Variants in GABBR2 observed in about 807,000 individuals in gnomAD.
GABBR2 encodes G-protein coupled receptor 51.
GABBR2 carries 23 observed loss-of-function variants against 105.6 expected under a neutral mutation model. That is an observed-to-expected ratio of 0.22 (90% confidence interval 0.16 to 0.31). GABBR2 has a LOEUF of 0.31. GABBR2 is among the 10% of genes least tolerant of loss of function. The probability of loss-of-function intolerance (pLI) is 1.00; values close to 1 mark genes in which losing one functional copy is unlikely to be tolerated. For missense variants in GABBR2, 734 were observed against 1,245.5 expected, an observed-to-expected ratio of 0.59 and a Z score of 6.18; for synonymous variants, 478 against 499.7, an observed-to-expected ratio of 0.96 and a Z score of 0.58.
intron 7 of GABBR2, among the ~76,000 whole-genome samples, chr9:98,438,892 C>T (rs551005706): frequency 1.1e-4 from 16 of 152,056 alleles, no homozygotes; most frequent in African/African-American, 2.9e-4. Flanking sequence ...ATCCCTCTCC[C>T]TTCTCTCTCT....
chr9:98,521,411 G>C (rs986011411), intron 3 of GABBR2, among the ~76,000 whole-genome samples: 1 of 152,166 alleles, frequency 6.6e-6, no homozygotes, highest in African/African-American at 2.4e-5. Flanking sequence ...GAAGGGTGCA[G>C]GGCCTACCTC....
chr9:98,563,290 T>A (rs1023651308), intron 2 of GABBR2, among the ~76,000 whole-genome samples: 1 of 152,122 alleles, frequency 6.6e-6, no homozygotes, highest in African/African-American at 2.4e-5. Context: ...TGAGCTGGGC[T>A]CTAAGGTTCC....
intron 7 of GABBR2, among the ~76,000 whole-genome samples, chr9:98,416,700 G>C (rs1832695316): frequency 6.6e-6 from 1 of 152,240 alleles, no homozygotes. Context: ...TCTCCTCTGA[G>C]CTCCTGGGTT....
Position 98,585,750 on chromosome 9 carries a change from C to T in GABBR2, c.322-7678G>A, listed in dbSNP as rs1282892912. The stretch of plus-strand genomic sequence containing the variant: ...TTATTAAAAGGTATAGGCTGAGTAT[C>T]CCTAATTCAAAAATCTGAAATCCAA... On this transcript the variant is annotated intron_variant, in intron 1 of 18. Transcript: ENST00000259455. Among the ~76,000 whole-genome samples, 2 of 23,172 alleles carry T rather than the reference C, an allele frequency of 8.6e-5. 1 individual carries two copies. The highest frequency in any genetic ancestry group is 7.5e-4 in the East Asian group (2 of 2,656). 15.2% of individuals were successfully genotyped at this position (23,172 alleles called of 152,430 possible). A position where few individuals can be genotyped will look rare whatever the true frequency, so the allele number is the denominator to read the frequency against.
intron 13 of GABBR2, among the ~76,000 whole-genome samples, chr9:98,320,996 TAAATA>T (rs1482139932): frequency 6.6e-6 from 1 of 151,732 alleles, no homozygotes; most frequent in African/African-American, 2.4e-5. Flanking sequence ...AATAAATAAA[TAAATA>T]AAATAAAATT....
intron 8 of GABBR2, among the ~76,000 whole-genome samples, chr9:98,399,079 G>C (rs1358198061): frequency 6.6e-6 from 1 of 152,078 alleles, no homozygotes; most frequent in Non-Finnish European, 1.5e-5. Flanking sequence ...CTTGGGGCCG[G>C]GTGTAGTGGC....
intron 3 of GABBR2, among the ~76,000 whole-genome samples, chr9:98,516,658 T>G (rs1291715633): frequency 1.3e-5 from 2 of 152,098 alleles, no homozygotes; most frequent in Non-Finnish European, 2.9e-5. Flanking sequence ...CCCAGCCCCA[T>G]TCCTGACCCC....
chr9:98,316,251 A>C (rs990541648), intron 13 of GABBR2, among the ~76,000 whole-genome samples: 1 of 151,766 alleles, frequency 6.6e-6, no homozygotes, highest in Non-Finnish European at 1.5e-5. Flanking sequence ...TCCTGGGTTC[A>C]AGCGATTCTC....
chr9:98,493,727 A>G (rs1360321067), intron 4 of GABBR2, among the ~76,000 whole-genome samples: 1 of 152,148 alleles, frequency 6.6e-6, no homozygotes, highest in East Asian at 1.9e-4. Flanking sequence ...AAAAGTAACT[A>G]CCTTCCCGTT....
intron 2 of GABBR2, 94 bp from the exon 3 acceptor site, chr9:98,542,137 A>G (rs1397141656): frequency 2.3e-5 from 23 of 1,012,364 alleles, no homozygotes; most frequent in Non-Finnish European, 3.4e-5. Context: ...GTTAGCTTCA[A>G]CTTAGAGCAT....
chr9:98,597,967 G>A (rs191630272), intron 1 of GABBR2, among the ~76,000 whole-genome samples: 3 of 152,094 alleles, frequency 2.0e-5, no homozygotes, highest in East Asian at 3.9e-4. Flanking sequence ...ATTTACATGT[G>A]TGCACCACCA....
At chr9:98,419,104 G>T (rs915890946) in intron 7 of GABBR2, among the ~76,000 whole-genome samples, 12 of 152,256 alleles carry the variant, frequency 7.9e-5, no homozygotes, top group African/African-American at 2.4e-4. Context: ...GGCCCGGGGG[G>T]GCGGTGGAGC....
intron 2 of GABBR2, among the ~76,000 whole-genome samples, chr9:98,568,879 C>G (rs1828786277): frequency 6.6e-6 from 1 of 152,186 alleles, no homozygotes; most frequent in Non-Finnish European, 1.5e-5. Context: ...CAACACTGGG[C>G]TTGACTGCAC....
chr9:98,340,644 T>A (rs560910090), intron 13 of GABBR2, among the ~76,000 whole-genome samples: 1 of 152,164 alleles, frequency 6.6e-6, no homozygotes, highest in African/African-American at 2.4e-5. Context: ...ACATACCTAA[T>A]CTTGCTCATC....
Position 98,388,828 on chromosome 9 carries a change from C to T in GABBR2, c.1529+26G>A, listed in dbSNP as rs368155296. On this transcript the variant is annotated intron_variant, in intron 10 of 18. Coordinates refer to ENST00000259455, the MANE Select transcript of GABBR2 (RefSeq NM_005458.8). The surrounding 1 kb of genome is among the most constrained non-coding windows in gnomAD (Gnocchi z 4.4). ...GGCTTGTCAATTTAGAAAGTGATAT[C>T]ACAGAGGAGGACCAGGGTGGCTTAC... 8 of 1,594,890 alleles carry T rather than the reference C, an allele frequency of 5.0e-6. No homozygotes were observed. The African/African-American group carries it at 9.4e-5, about 19-fold the overall frequency.
chr9:98,626,455 T>C (rs1829738732), intron 1 of GABBR2, among the ~76,000 whole-genome samples: 1 of 152,116 alleles, frequency 6.6e-6, no homozygotes, highest in Non-Finnish European at 1.5e-5. Context: ...GATAAGAAAA[T>C]GAGTTGGACC....
chr9:98,585,661 T>C lies in GABBR2; in HGVS notation c.322-7589A>G, dbSNP rs1769103706. ...TATAATAATAATAAAATTAAAAAAATATATATGTGTTAGGCACAGTACTAA... is the reference window on the plus strand; with the variant it reads ...TATAATAATAATAAAATTAAAAAAACATATATGTGTTAGGCACAGTACTAA... On this transcript the variant is annotated intron_variant, in intron 1 of 18. Coordinates refer to ENST00000259455, the MANE Select transcript of GABBR2 (RefSeq NM_005458.8). 2.0e-5 allele frequency among the ~76,000 whole-genome samples: 3 copies of C among 152,148 alleles called. No individual in the cohort carries two copies. The South Asian group carries it at 6.2e-4, about 32-fold the overall frequency.
chr9:98,596,815 AC>A (rs911452705), intron 1 of GABBR2, among the ~76,000 whole-genome samples: 2 of 151,562 alleles, frequency 1.3e-5, no homozygotes, highest in African/African-American at 4.9e-5. Context: ...ATTCTGCAAG[AC>A]CCCCTCCCCT....
At chr9:98,520,755 T>A (rs1208009235) in intron 3 of GABBR2, among the ~76,000 whole-genome samples, 6 of 152,136 alleles carry the variant, frequency 3.9e-5, no homozygotes, top group Admixed American at 3.9e-4. Context: ...GTGGGGAAAC[T>A]CCATCAATAT....
Sources: allele counts gnomAD v4.1 joint callset (sites outside exome capture counted in the v4.1 genomes callset), GRCh38; gene constraint gnomAD v4.1.1; non-coding constraint Gnocchi (gnomAD v3.1); transcripts MANE v1.5; gene names NCBI Gene and HGNC (gene_info 2026-07-23, HGNC 2026-07-21).